RELCH: variants seen among roughly 807,000 people sequenced by gnomAD.
RELCH encodes RAB11-binding protein RELCH.
Under a neutral mutation model 150.3 loss-of-function variants are expected in RELCH, and 41 were observed. The observed-to-expected ratio is 0.27, with a 90% CI of 0.21 to 0.35. The LOEUF (loss-of-function observed/expected upper bound fraction) is 0.35, where lower values mean the gene tolerates loss of function less well. Ranked by LOEUF, RELCH falls within the 10% of genes least tolerant of loss-of-function variation. RELCH has a pLI of 1.00. For missense variants in RELCH, 1,092 were observed against 1,467.8 expected, an observed-to-expected ratio of 0.74 and a Z score of 4.18; for synonymous variants, 478 against 531.8, an observed-to-expected ratio of 0.90 and a Z score of 1.39.
At chr18:62,259,312 G>A (rs1291226068) in intron 15 of RELCH, among the ~76,000 whole-genome samples, 1 of 151,762 alleles carries the variant, frequency 6.6e-6, no homozygotes, top group African/African-American at 2.4e-5. Flanking sequence ...AATGCTGCTG[G>A]GTTAGCGTTT....
Position 62,305,699 on chromosome 18 carries a change from A to G in RELCH, c.*165A>G. The G allele has an allele frequency of 3.3e-6, 2 of 613,142 alleles. No individual in the cohort carries two copies. Among genetic ancestry groups the G allele is most frequent in the Non-Finnish European group, 4.9e-6 (2 of 407,850 alleles). 38.0% of individuals were successfully genotyped at this position (613,142 alleles called of 1,614,324 possible). Reference sequence around the variant, plus strand: ...GCACTGCTTTTAATTACTGCTGTATATTTGTTGATTTTGGAGTTACAACTG... The same window carrying G: ...GCACTGCTTTTAATTACTGCTGTATGTTTGTTGATTTTGGAGTTACAACTG... On this transcript the variant is annotated 3_prime_UTR_variant, in exon 29 of 29. Transcript: ENST00000644646. This position sits in a 1 kb window ranked among gnomAD's most constrained non-coding sequence, Gnocchi z 4.0.
intron 18 of RELCH, 122 bp downstream of exon 18, chr18:62,264,974 C>G (rs2043471995): frequency 2.7e-6 from 2 of 738,678 alleles, no homozygotes; most frequent in Non-Finnish European, 4.2e-6. Context: ...TCTTTAATAT[C>G]CTAGAATACT....
At chr18:62,288,980 T>A (rs2044967857) in intron 26 of RELCH, among the ~76,000 whole-genome samples, 1 of 152,144 alleles carries the variant, frequency 6.6e-6, no homozygotes, top group Non-Finnish European at 1.5e-5. Context: ...ATGTATAATC[T>A]TATATAGCAG....
At position 62,298,786 on chromosome 18, in the gene RELCH, T is replaced by G. The variant is rs750413995; in HGVS notation, c.3460-4T>G. The stretch of plus-strand genomic sequence containing the variant: ...ATTTCACTAAGGTAAATTTTTTTAA[T>G]CAGGTTATTTTAAGTTCCATGATAA... On this transcript the variant is annotated splice_region_variant and splice_polypyrimidine_tract_variant and intron_variant, in intron 27 of 28. Transcript: ENST00000644646. 6 of 1,475,492 alleles carry G rather than the reference T, an allele frequency of 4.1e-6. No individual in the cohort carries two copies. The highest frequency in any genetic ancestry group is 5.7e-6 in the Non-Finnish European group (6 of 1,059,174). The allele number at this position is 1,475,492 out of a possible 1,614,324, so 91.4% of individuals were successfully genotyped here.
At chr18:62,232,119 A>G (rs2041617220) in intron 9 of RELCH, among the ~76,000 whole-genome samples, 1 of 151,992 alleles carries the variant, frequency 6.6e-6, no homozygotes, top group African/African-American at 2.4e-5. Flanking sequence ...ATCTGTTTCT[A>G]GCCCAAAGAA....
At chr18:62,217,325 G>C (rs2040540785) in intron 2 of RELCH, among the ~76,000 whole-genome samples, 1 of 152,004 alleles carries the variant, frequency 6.6e-6, no homozygotes, top group South Asian at 2.1e-4. Context: ...TAGGGTTTTA[G>C]GTTATTGTAG....
chr18:62,187,680 G>C lies in RELCH; in HGVS notation c.175G>C (p.Asp59His). Residue 59 changes from aspartate (D) to histidine (H), a missense_variant, in exon 1 of 29, where the codon GAT becomes CAT. Around this residue, in one of 4 missense-constraint regions of RELCH, gnomAD observed 138 missense variants for 124.8 expected, o/e 1.11. Coordinates refer to ENST00000644646, the MANE Select transcript of RELCH (RefSeq NM_001346231.2). Reference protein sequence around the residue: ...PGSAGSLSPQDPVALGSSARP... With the variant: ...PGSAGSLSPQHPVALGSSARP... ...CTCTGCGGGCTCGCTGTCGCCACAG[G>C]ATCCCGTGGCCTTAGGAAGCAGTGC... 1 of 1,578,870 alleles carries C rather than the reference G, an allele frequency of 6.3e-7. No individual in the cohort carries two copies.
Position 62,267,138 on chromosome 18 carries a change from C to T in RELCH, c.2680+389C>T, listed in dbSNP as rs986129059. On this transcript the variant is annotated intron_variant, in intron 19 of 28. Coordinates refer to ENST00000644646, the MANE Select transcript of RELCH (RefSeq NM_001346231.2). Reference sequence around the variant, plus strand: ...AAAAATTAAACATAGTGGAAAAGAACGGTATATAAGCATATATGTTTTCAA... The same window carrying T: ...AAAAATTAAACATAGTGGAAAAGAATGGTATATAAGCATATATGTTTTCAA... Among the ~76,000 whole-genome samples, 7 of 151,872 alleles carry T rather than the reference C, an allele frequency of 4.6e-5. No homozygotes were observed. In the East Asian group the frequency reaches 1.2e-3, roughly 25 times the overall value.
intron 27 of RELCH, among the ~76,000 whole-genome samples, chr18:62,295,045 A>T (rs1202103413): frequency 6.6e-6 from 1 of 152,236 alleles, no homozygotes; most frequent in African/African-American, 2.4e-5. Flanking sequence ...GAAATTCAGT[A>T]GGACAAGTCC....
Position 62,264,101 on chromosome 18 carries a change from G to C in RELCH, c.2463G>C (p.Glu821Asp). Residue 821 changes from glutamate (E) to aspartate (D), a missense_variant, in exon 17 of 29, where the codon GAG (glutamate) becomes GAC (aspartate). Transcript: ENST00000644646. Reference protein sequence around the residue: ...LQLYDYQLEQEGTTGWESLLW... With the variant: ...LQLYDYQLEQDGTTGWESLLW... ...TTTATGACTACCAGCTAGAACAAGA[G>C]GGTACAACAGGCTGGGAGAGTTTAC... 6.2e-7 allele frequency: 1 copy of C among 1,603,456 alleles called. No homozygotes were observed. Among genetic ancestry groups the C allele is most frequent in the East Asian group, 2.3e-5 (1 of 44,146 alleles).
chr18:62,194,553 T>G (rs562911502), intron 1 of RELCH, among the ~76,000 whole-genome samples: 1 of 152,352 alleles, frequency 6.6e-6, no homozygotes, highest in South Asian at 2.1e-4. Flanking sequence ...TTAAAATACT[T>G]GTATAAAACT....
At position 62,309,728 on chromosome 18, in the gene RELCH, C is replaced by A. The variant is rs1490455005; in HGVS notation, c.*4194C>A. On this transcript the variant is annotated 3_prime_UTR_variant, in exon 29 of 29. Transcript: ENST00000644646. ...CATATCTACATGGAGAACTATATTA[C>A]TATTTTAATTCCTTTTATTCCATTA... The A allele has an allele frequency of 6.6e-6, 1 of 152,158 alleles. No individual in the cohort carries two copies. Among genetic ancestry groups the A allele is most frequent in the African/African-American group, 2.4e-5 (1 of 41,438 alleles). The allele number at this position is 152,158 out of a possible 1,614,324, so 9.4% of individuals were successfully genotyped here.
rs146527518 is a variant in RELCH at position 62,225,195 on chromosome 18, C to T, written c.859-2094C>T. Among the ~76,000 whole-genome samples, 4 of 151,250 alleles carry T rather than the reference C, an allele frequency of 2.6e-5. No individual in the cohort carries two copies. The East Asian group carries it at 7.8e-4, about 29-fold the overall frequency. ...ACCATACCATATACAAAAATTAACTCAAAATGGAGCATATACTTAAATATA... is the reference window on the plus strand; with the variant it reads ...ACCATACCATATACAAAAATTAACTTAAAATGGAGCATATACTTAAATATA... On this transcript the variant is annotated intron_variant, in intron 5 of 28. Transcript: ENST00000644646.
rs141918106 is a variant in RELCH, at chr18:62,237,488, A to G, written c.1620+5061A>G. 7.9e-5 allele frequency among the ~76,000 whole-genome samples: 12 copies of G among 151,896 alleles called. No individual in the cohort carries two copies. The East Asian group carries it at 1.5e-3, about 20-fold the overall frequency. On this transcript the variant is annotated intron_variant, in intron 10 of 28. Coordinates refer to ENST00000644646, the MANE Select transcript of RELCH (RefSeq NM_001346231.2). ...CTTTTCCCCATGATTTAAACAAATG[A>G]TACTGTATTCTATGCACTACTCTCT...
intron 1 of RELCH, among the ~76,000 whole-genome samples, chr18:62,192,532 A>C (rs1401399751): frequency 6.6e-6 from 1 of 152,198 alleles, no homozygotes; most frequent in Non-Finnish European, 1.5e-5. Context: ...TTCTACATTT[A>C]AGTCTTTAAT....
At chr18:62,256,305 G>A (rs1277099599) in intron 13 of RELCH, among the ~76,000 whole-genome samples, 1 of 152,036 alleles carries the variant, frequency 6.6e-6, no homozygotes, top group Non-Finnish European at 1.5e-5. Context: ...CAAGTAGACA[G>A]CATTCATTGC....
chr18:62,276,904 G>A (rs762912307), intron 22 of RELCH, among the ~76,000 whole-genome samples: 8 of 151,880 alleles, frequency 5.3e-5, no homozygotes, highest in Admixed American at 4.6e-4. Context: ...TTGATTATTC[G>A]ATATGCTGAA....
chr18:62,201,860 T>G (rs374150359), intron 1 of RELCH, among the ~76,000 whole-genome samples: 3 of 152,222 alleles, frequency 2.0e-5, no homozygotes, highest in Non-Finnish European at 4.4e-5. Flanking sequence ...GTTTTTCTGA[T>G]GCATTTGGTT....
intron 19 of RELCH, 63 bp downstream of exon 19, chr18:62,266,812 A>G (rs1441348895): frequency 1.1e-6 from 1 of 939,532 alleles, no homozygotes; most frequent in Non-Finnish European, 1.7e-6. Context: ...AAAATACTAT[A>G]TTCTCCATAT....
Sources: allele counts gnomAD v4.1 joint callset (sites outside exome capture counted in the v4.1 genomes callset), GRCh38; gene constraint gnomAD v4.1.1; regional missense constraint gnomAD v4.1.1; non-coding constraint Gnocchi (gnomAD v3.1); transcripts MANE v1.5; gene names NCBI Gene and HGNC (gene_info 2026-07-23, HGNC 2026-07-21).